DISC1: variants seen among roughly 807,000 people sequenced by gnomAD.
The protein encoded by DISC1 is DISC1 scaffold protein.
Under a neutral mutation model 84.5 loss-of-function variants are expected in DISC1, and 57 were observed. The ratio of observed to expected loss-of-function variants is 0.67; its 90% CI spans 0.55 to 0.84. DISC1 has a LOEUF of 0.84. DISC1 is among the 40% of genes least tolerant of loss of function. DISC1 has a pLI of 0.00. For missense variants in DISC1, 1,000 were observed against 1,057.8 expected (o/e 0.95, Z 0.76); for synonymous variants, 411 against 415.2 (o/e 0.99, Z 0.12).
intron 6 of DISC1, among the ~76,000 whole-genome samples, chr1:231,791,351 A>G (rs951423107): frequency 3.3e-5 from 5 of 152,180 alleles, no homozygotes; most frequent in Non-Finnish European, 7.4e-5. Flanking sequence ...TTACTGTTTA[A>G]TCTCCCATAA....
At chr1:231,809,400 T>C (rs1452414417) in intron 8 of DISC1, among the ~76,000 whole-genome samples, 1 of 138,312 alleles carries the variant, frequency 7.2e-6, no homozygotes, top group Non-Finnish European at 1.6e-5. Flanking sequence ...AGTTTGGATA[T>C]ATTTTTTTTT....
chr1:231,786,928 C>T (rs1003529248), intron 6 of DISC1, among the ~76,000 whole-genome samples: 4 of 152,172 alleles, frequency 2.6e-5, no homozygotes, highest in Admixed American at 2.6e-4. Flanking sequence ...GCTGCCTGAA[C>T]CAGCTTTGGG....
At chr1:232,027,296 A>T (rs1430194585) in intron 12 of DISC1, among the ~76,000 whole-genome samples, 1 of 152,366 alleles carries the variant, frequency 6.6e-6, no homozygotes, top group South Asian at 2.1e-4. Context: ...GTAACAAAGC[A>T]AACAGGACTT....
chr1:231,911,829 G>A (rs1301068032), intron 9 of DISC1, among the ~76,000 whole-genome samples: 1 of 152,090 alleles, frequency 6.6e-6, no homozygotes, highest in Non-Finnish European at 1.5e-5. Context: ...CGTAGACTTG[G>A]TCTTTTCACA....
At chr1:231,847,617 A>G (rs1299566884) in intron 9 of DISC1, among the ~76,000 whole-genome samples, 1 of 152,098 alleles carries the variant, frequency 6.6e-6, no homozygotes, top group African/African-American at 2.4e-5. Flanking sequence ...AACCTTCCTT[A>G]CATGTCTAGA....
intron 3 of DISC1, among the ~76,000 whole-genome samples, chr1:231,714,207 T>G (rs2068348917): frequency 6.6e-6 from 1 of 152,136 alleles, no homozygotes; most frequent in Non-Finnish European, 1.5e-5. Flanking sequence ...ACTTTTACAT[T>G]AAAACATGTA....
chr1:232,009,740 A>G lies in DISC1; in HGVS notation c.2307+691A>G, dbSNP rs1414668894. The G allele has an allele frequency of 8.9e-6, 4 of 448,666 alleles. No individual in the cohort carries two copies. The highest frequency in any genetic ancestry group is 2.1e-5 in the African/African-American group (1 of 46,670). The allele number at this position is 448,666 out of a possible 1,614,324, so 27.8% of individuals were successfully genotyped here. ...TCCCACCCTAACAAGAGTCTTTTCC[A>G]TAAAAAGGCCCTAGGAAGTTTTTCC... On this transcript the variant is annotated intron_variant, in intron 11 of 12. Transcript: ENST00000439617. This position sits in a 1 kb window ranked among gnomAD's most constrained non-coding sequence, Gnocchi z 4.6.
intron 2 of DISC1, among the ~76,000 whole-genome samples, chr1:231,700,534 A>G (rs2066279674): frequency 6.6e-6 from 1 of 152,208 alleles, no homozygotes; most frequent in African/African-American, 2.4e-5. Flanking sequence ...TCTCTGGTCA[A>G]CAGTAGACTA....
At chr1:231,931,909 C>G (rs949355847) in intron 9 of DISC1, among the ~76,000 whole-genome samples, 4 of 152,142 alleles carry the variant, frequency 2.6e-5, no homozygotes, top group African/African-American at 9.7e-5. Flanking sequence ...GTCTTGGCCT[C>G]TGAAAGTGCT....
At chr1:231,779,752 G>C (rs1253106107) in intron 6 of DISC1, among the ~76,000 whole-genome samples, 1 of 151,476 alleles carries the variant, frequency 6.6e-6, no homozygotes, top group Non-Finnish European at 1.5e-5. Context: ...GTAGAGATGG[G>C]GTTTCACCGT....
At chr1:231,811,120 G>T (rs1405573775) in intron 8 of DISC1, among the ~76,000 whole-genome samples, 1 of 152,198 alleles carries the variant, frequency 6.6e-6, no homozygotes, top group Non-Finnish European at 1.5e-5. Flanking sequence ...GAAATATATG[G>T]CTGTCTGAAA....
chr1:231,710,624 T>C (rs2067697280), intron 3 of DISC1, among the ~76,000 whole-genome samples: 1 of 152,218 alleles, frequency 6.6e-6, no homozygotes. Context: ...AAGTTGTCAG[T>C]AGGGTTGGTC....
chr1:231,735,958 G>A (rs770503298), intron 3 of DISC1, among the ~76,000 whole-genome samples: 11 of 152,000 alleles, frequency 7.2e-5, no homozygotes, highest in African/African-American at 1.7e-4. Context: ...GACTACAGGC[G>A]TGTGTCACTG....
Position 231,950,204 on chromosome 1 carries a change from CTGTGTGTG to C in DISC1, c.1982-8587_1982-8580del, listed in dbSNP as rs59801477. 6.2e-3 allele frequency among the ~76,000 whole-genome samples: 866 copies of C among 139,518 alleles called. 5 individuals are homozygous for C. The highest frequency in any genetic ancestry group is 0.014 in the Middle Eastern group (4 of 286). The allele number at this position is 139,518 out of a possible 152,430, so 91.5% of individuals were successfully genotyped here. A position where few individuals can be genotyped will look rare whatever the true frequency, so the allele number is the denominator to read the frequency against. On this transcript the variant is annotated intron_variant, in intron 9 of 12. Transcript: ENST00000439617. The stretch of plus-strand genomic sequence containing the variant: ...CTATAAAAAAGAATGAAAAAAAATT[CTGTGTGTG>C]TGTGTGTGTGTGTGTGTGTGTGTGT...
intron 9 of DISC1, among the ~76,000 whole-genome samples, chr1:231,887,753 C>T (rs979758817): frequency 3.3e-5 from 5 of 152,234 alleles, no homozygotes; most frequent in African/African-American, 1.2e-4. Context: ...AATTACCTGA[C>T]ATCAAATTGG....
intron 3 of DISC1, among the ~76,000 whole-genome samples, chr1:231,715,043 A>G (rs1024329151): frequency 1.3e-5 from 2 of 152,216 alleles, no homozygotes; most frequent in African/African-American, 4.8e-5. Flanking sequence ...TAGAGAAGAA[A>G]AAGAGACTTC....
intron 5 of DISC1, among the ~76,000 whole-genome samples, chr1:231,769,516 A>G (rs1476800088): frequency 6.6e-6 from 1 of 152,252 alleles, no homozygotes; most frequent in Non-Finnish European, 1.5e-5. Flanking sequence ...TTGCAAAAGG[A>G]TAAATGCTGT....
At chr1:231,989,533 G>T (rs944857157) in intron 10 of DISC1, among the ~76,000 whole-genome samples, 45 of 152,236 alleles carry the variant, frequency 3.0e-4, no homozygotes, top group African/African-American at 1.1e-3. Context: ...GGTACAGAAT[G>T]CTATTTTGCT....
chr1:231,925,742 T>TA (rs1216753647), intron 9 of DISC1: 2 of 152,126 alleles, frequency 1.3e-5, no homozygotes, highest in Non-Finnish European at 2.9e-5. Flanking sequence ...GTGGGAGATA[T>TA]GAGACACAGA....
Sources: allele counts gnomAD v4.1 joint callset (sites outside exome capture counted in the v4.1 genomes callset), GRCh38; gene constraint gnomAD v4.1.1; non-coding constraint Gnocchi (gnomAD v3.1); transcripts MANE v1.5; gene names NCBI Gene and HGNC (gene_info 2026-07-23, HGNC 2026-07-21).